STAU2: variants seen among roughly 807,000 people sequenced by gnomAD.
STAU2 encodes the protein double-stranded RNA-binding protein Staufen homolog 2.
Under a neutral mutation model 65.9 loss-of-function variants are expected in STAU2, and 20 were observed. That is an observed-to-expected ratio of 0.30 (90% CI 0.21 to 0.44). The LOEUF is 0.44. Ranked by LOEUF, STAU2 falls within the 20% of genes least tolerant of loss-of-function variation. The pLI, the probability that STAU2 is intolerant of heterozygous loss-of-function variation, is 1.00. For missense variants in STAU2, 558 were observed against 683.9 expected (o/e 0.82, Z 2.05); for synonymous variants, 232 against 233.9 (o/e 0.99, Z 0.07).
chr8:73,512,222 C>T lies in STAU2; in HGVS notation c.1530+39790G>A, dbSNP rs145644454. On this transcript the variant is annotated intron_variant, in intron 13 of 14. Transcript: ENST00000524300. ...TTCTTCCTTTTCAAAACTGTTTTAG[C>T]GATTCTGGTCTCTTTGCATTTCCAT... Among the ~76,000 whole-genome samples, 31 of 152,196 alleles carry T rather than the reference C, an allele frequency of 2.0e-4. No homozygotes were observed. The East Asian group carries it at 4.8e-3, about 24-fold the overall frequency.
At chr8:73,567,391 C>T (rs773554682) in intron 12 of STAU2, among the ~76,000 whole-genome samples, 11 of 152,044 alleles carry the variant, frequency 7.2e-5, no homozygotes, top group Non-Finnish European at 1.6e-4. Flanking sequence ...CCTGTAATCC[C>T]AGCTACTCAG....
chr8:73,542,414 C>G, intron 13 of STAU2, among the ~76,000 whole-genome samples: 1 of 152,058 alleles, frequency 6.6e-6, no homozygotes, highest in East Asian at 1.9e-4. Flanking sequence ...TCTTTGTGAT[C>G]TTAGGGGTAG....
At chr8:73,435,079 C>T (rs1037892712) in intron 13 of STAU2, among the ~76,000 whole-genome samples, 6 of 151,774 alleles carry the variant, frequency 4.0e-5, no homozygotes, top group Non-Finnish European at 8.8e-5. Context: ...GCTCCCTGGC[C>T]AGCTGGTATG....
At chr8:73,476,133 G>A (rs1820316001) in intron 13 of STAU2, among the ~76,000 whole-genome samples, 1 of 152,140 alleles carries the variant, frequency 6.6e-6, no homozygotes, top group Non-Finnish European at 1.5e-5. Flanking sequence ...GGAGCGATAT[G>A]GGCACCTTTA....
chr8:73,637,476 G>GAAAAAAA (rs1814615511), intron 6 of STAU2, among the ~76,000 whole-genome samples: 1 of 3,012 alleles, frequency 3.3e-4, no homozygotes, highest in Non-Finnish European at 6.9e-4. Context: ...AGTGCTGAAA[G>GAAAAAAA]TAAAAAAAAA....
chr8:73,476,362 A>G (rs1240085296), intron 13 of STAU2, among the ~76,000 whole-genome samples: 1 of 152,218 alleles, frequency 6.6e-6, no homozygotes, highest in African/African-American at 2.4e-5. Context: ...TTCTATTTGT[A>G]AATGGTAATA....
intron 4 of STAU2, among the ~76,000 whole-genome samples, chr8:73,694,658 C>T (rs1331262638): frequency 6.6e-6 from 1 of 152,204 alleles, no homozygotes; most frequent in Non-Finnish European, 1.5e-5. Flanking sequence ...GGTGAACAAT[C>T]ACAGTGTCTG....
chr8:73,736,055 T>C (rs777533533), intron 3 of STAU2, among the ~76,000 whole-genome samples: 2 of 152,212 alleles, frequency 1.3e-5, no homozygotes, highest in African/African-American at 2.4e-5. Context: ...CAGGAAGCAC[T>C]AAGCACAGGA....
At chr8:73,583,657 TA>T (rs33923255) in intron 11 of STAU2, among the ~76,000 whole-genome samples, 2,849 of 150,760 alleles carry the variant, frequency 0.019, 91 homozygotes, top group African/African-American at 0.062. Flanking sequence ...AATACAAATA[TA>T]AAAAAAATAA....
intron 13 of STAU2, among the ~76,000 whole-genome samples, chr8:73,498,684 T>C (rs919098946): frequency 2.8e-4 from 43 of 151,812 alleles, no homozygotes; most frequent in African/African-American, 1.0e-3. Context: ...CCTTATTTTG[T>C]AAACAAGGGA....
chr8:73,679,797 A>C (rs1818274296), intron 5 of STAU2, among the ~76,000 whole-genome samples: 1 of 151,078 alleles, frequency 6.6e-6, no homozygotes, highest in Non-Finnish European at 1.5e-5. Flanking sequence ...CTGAGGCAGG[A>C]GAATTGCTTG....
intron 12 of STAU2, among the ~76,000 whole-genome samples, chr8:73,576,993 G>C (rs186514354): frequency 3.9e-5 from 6 of 152,268 alleles, no homozygotes; most frequent in Admixed American, 3.9e-4. Flanking sequence ...AGAATACACA[G>C]TACATATTCT....
chr8:73,731,808 G>A (rs1806087648), intron 3 of STAU2, among the ~76,000 whole-genome samples: 1 of 151,918 alleles, frequency 6.6e-6, no homozygotes. Flanking sequence ...GTGCGGTGGT[G>A]CACGTCTGTA....
chr8:73,631,334 C>T (rs867124732), intron 6 of STAU2, among the ~76,000 whole-genome samples: 2 of 150,620 alleles, frequency 1.3e-5, no homozygotes, highest in Non-Finnish European at 1.5e-5. Context: ...GGTTTGAGTA[C>T]CACTGCACTC....
At chr8:73,702,090 G>A (rs184146572) in intron 4 of STAU2, among the ~76,000 whole-genome samples, 46 of 152,208 alleles carry the variant, frequency 3.0e-4, no homozygotes, top group African/African-American at 1.1e-3. Context: ...AAAGGTAGCA[G>A]GAAGGTTGAG....
At chr8:73,451,367 A>T (rs1333582433) in intron 13 of STAU2, among the ~76,000 whole-genome samples, 1 of 152,176 alleles carries the variant, frequency 6.6e-6, no homozygotes, top group Non-Finnish European at 1.5e-5. Context: ...ACAAGATGAC[A>T]TAAATCTTGC....
At chr8:73,706,534 G>A (rs766910476) in intron 4 of STAU2, among the ~76,000 whole-genome samples, 1 of 152,146 alleles carries the variant, frequency 6.6e-6, no homozygotes, top group Non-Finnish European at 1.5e-5. Context: ...ATACATGAAT[G>A]AAAATGATTT....
chr8:73,421,096 T>C lies in STAU2; in HGVS notation c.*276A>G, dbSNP rs1816346362. 3.0e-6 allele frequency: 1 copy of C among 334,794 alleles called. No homozygotes were observed. Among genetic ancestry groups the C allele is most frequent in the Admixed American group, 4.6e-5 (1 of 21,670 alleles). 20.7% of individuals were successfully genotyped at this position (334,794 alleles called of 1,614,324 possible). A position where few individuals can be genotyped will look rare whatever the true frequency, so the allele number is the denominator to read the frequency against. On this transcript the variant is annotated 3_prime_UTR_variant, in exon 15 of 15. Transcript: ENST00000524300. ...TTTGTTTCTAACACTTTTCTTTACT[T>C]GTTATTTTAAGCTCCAGTAGCAGGA...
intron 13 of STAU2, among the ~76,000 whole-genome samples, chr8:73,511,028 T>C (rs4738378): frequency 0.78 from 119,002 of 152,270 alleles, 47,281 homozygotes; most frequent in African/African-American, 0.91. Context: ...TGGTGACCAC[T>C]GAAGGCAGTG....
Sources: allele counts gnomAD v4.1 joint callset (sites outside exome capture counted in the v4.1 genomes callset), GRCh38; gene constraint gnomAD v4.1.1; transcripts MANE v1.5; gene names NCBI Gene and HGNC (gene_info 2026-07-23, HGNC 2026-07-21).